Variants in BCAR3 observed in about 807,000 individuals in gnomAD.
BCAR3 encodes the protein breast cancer anti-estrogen resistance protein 3.
A neutral mutation model predicts 80.1 loss-of-function variants in BCAR3; 37 were observed. The ratio of observed to expected loss-of-function variants is 0.46; its 90% CI spans 0.36 to 0.61. The LOEUF is 0.61. BCAR3 is among the 20% of genes least tolerant of loss of function. The pLI is 0.00. For synonymous variants in BCAR3, 389 were observed against 418.9 expected (o/e 0.93, Z 0.87); for missense variants, 978 against 1,068.2 (o/e 0.92, Z 1.18).
intron 2 of BCAR3, among the ~76,000 whole-genome samples, chr1:93,743,313 A>G (rs1395221106): frequency 6.6e-6 from 1 of 152,344 alleles, no homozygotes; most frequent in Non-Finnish European, 1.5e-5. Context: ...TCAAAGTTTT[A>G]TCATCATGCA....
chr1:93,767,030 A>G (rs1652176824), intron 2 of BCAR3, among the ~76,000 whole-genome samples: 1 of 119,582 alleles, frequency 8.4e-6, no homozygotes, highest in African/African-American at 3.9e-5. Flanking sequence ...GTGACAGAGT[A>G]AAAAAAAAGC....
intron 3 of BCAR3, among the ~76,000 whole-genome samples, chr1:93,615,073 G>A (rs1359384958): frequency 1.5e-5 from 2 of 136,206 alleles, no homozygotes; most frequent in African/African-American, 5.7e-5. Flanking sequence ...CTATCCTACC[G>A]CTCCAAATAT....
At chr1:93,604,523 T>C (rs1381306584) in intron 3 of BCAR3, among the ~76,000 whole-genome samples, 2 of 152,238 alleles carry the variant, frequency 1.3e-5, no homozygotes, top group East Asian at 3.8e-4. Context: ...CAGAGCACTC[T>C]GTAAGCAGGC....
intron 2 of BCAR3, among the ~76,000 whole-genome samples, chr1:93,669,842 A>G (rs1648121810): frequency 6.6e-6 from 1 of 152,256 alleles, no homozygotes; most frequent in Admixed American, 6.5e-5. Flanking sequence ...CAGGAATGGA[A>G]AACCAAACAT....
chr1:93,737,409 C>T (rs1651012027), intron 2 of BCAR3, among the ~76,000 whole-genome samples: 1 of 152,036 alleles, frequency 6.6e-6, no homozygotes, highest in South Asian at 2.1e-4. Context: ...GAGAGATGTA[C>T]CTAAGCACAG....
At chr1:93,631,176 C>T (rs1001943635) in intron 3 of BCAR3, among the ~76,000 whole-genome samples, 1 of 152,214 alleles carries the variant, frequency 6.6e-6, no homozygotes, top group African/African-American at 2.4e-5. Context: ...ACTCATCCCC[C>T]AGTCTCTATC....
chr1:93,840,526 T>C (rs1654921682), intron 2 of BCAR3, among the ~76,000 whole-genome samples: 2 of 152,212 alleles, frequency 1.3e-5, no homozygotes, highest in African/African-American at 4.8e-5. Flanking sequence ...CAGAATGCCT[T>C]TCCTTCCAAA....
intron 7 of BCAR3, among the ~76,000 whole-genome samples, chr1:93,580,135 G>A (rs1162652654): frequency 6.6e-6 from 1 of 152,128 alleles, no homozygotes; most frequent in African/African-American, 2.4e-5. Flanking sequence ...CTCAAGTTCT[G>A]TTGTCAGCAA....
At chr1:93,652,082 G>C (rs1365543954) in intron 2 of BCAR3, among the ~76,000 whole-genome samples, 3 of 152,200 alleles carry the variant, frequency 2.0e-5, no homozygotes, top group African/African-American at 7.2e-5. Flanking sequence ...AACGCCTTGA[G>C]AGCCGAGAAA....
intron 2 of BCAR3, chr1:93,753,691 G>A (rs932002257): frequency 6.6e-6 from 1 of 152,026 alleles, no homozygotes; most frequent in African/African-American, 2.4e-5. Context: ...ACTATCTAAA[G>A]ACCAGAGCAT....
intron 2 of BCAR3, among the ~76,000 whole-genome samples, chr1:93,716,112 G>A (rs897361759): frequency 3.3e-5 from 5 of 152,190 alleles, no homozygotes; most frequent in Admixed American, 2.6e-4. Context: ...GGTCTCAGAA[G>A]GAGCCAAGAG....
intron 2 of BCAR3, among the ~76,000 whole-genome samples, chr1:93,826,751 A>G (rs1219586437): frequency 6.6e-6 from 1 of 152,118 alleles, no homozygotes; most frequent in African/African-American, 2.4e-5. Flanking sequence ...TGAAGTCGAA[A>G]CTTGAAGAAT....
At chr1:93,573,217 C>T (rs1673289812) in intron 8 of BCAR3, among the ~76,000 whole-genome samples, 1 of 151,984 alleles carries the variant, frequency 6.6e-6, no homozygotes, top group South Asian at 2.1e-4. Flanking sequence ...GCAACATGGG[C>T]TAAACCCCAT....
chr1:93,713,991 T>G (rs1332774015), intron 2 of BCAR3, among the ~76,000 whole-genome samples: 1 of 152,216 alleles, frequency 6.6e-6, no homozygotes, highest in East Asian at 1.9e-4. Flanking sequence ...TAGATTCAAC[T>G]GTTTTTTTTG....
chr1:93,584,381 C>T (rs1398395828), intron 5 of BCAR3, among the ~76,000 whole-genome samples: 4 of 152,190 alleles, frequency 2.6e-5, no homozygotes, highest in Non-Finnish European at 4.4e-5. Context: ...GATGCCTCCT[C>T]TGGGCTGTTC....
chr1:93,578,996 C>G (rs1246730948), intron 7 of BCAR3, among the ~76,000 whole-genome samples: 1 of 152,212 alleles, frequency 6.6e-6, no homozygotes, highest in Non-Finnish European at 1.5e-5. Context: ...TCAGTCGGGC[C>G]AAGTGCTTCA....
chr1:93,804,453 C>A (rs774511788), intron 2 of BCAR3, among the ~76,000 whole-genome samples: 35 of 152,096 alleles, frequency 2.3e-4, no homozygotes, highest in Non-Finnish European at 4.6e-4. Context: ...ACTTTGGGGG[C>A]AGTATTAAGT....
intron 2 of BCAR3, chr1:93,753,543 TACAC>T (rs5776188): frequency 0.19 from 25,910 of 137,218 alleles, 2,609 homozygotes; most frequent in African/African-American, 0.21. Context: ...TGCACGCGGG[TACAC>T]ACACACACAC....
intron 3 of BCAR3, among the ~76,000 whole-genome samples, chr1:93,625,356 G>C (rs910055133): frequency 6.6e-5 from 10 of 152,148 alleles, no homozygotes; most frequent in African/African-American, 2.4e-4. Flanking sequence ...AAGGGGACTT[G>C]ACTCTATTCT....
Sources: allele counts gnomAD v4.1 joint callset (sites outside exome capture counted in the v4.1 genomes callset), GRCh38; gene constraint gnomAD v4.1.1; transcripts MANE v1.5; gene names NCBI Gene and HGNC (gene_info 2026-07-23, HGNC 2026-07-21).